Variants in GRIK2 observed in about 807,000 individuals in gnomAD.
GRIK2 encodes glutamate ionotropic receptor kainate type subunit 2.
GRIK2 carries 32 observed loss-of-function variants against 100.3 expected under a neutral mutation model. The observed-to-expected ratio is 0.32, with a 90% CI of 0.24 to 0.43. The LOEUF (loss-of-function observed/expected upper bound fraction) is 0.43. Among genes scored for constraint, GRIK2 ranks in the 20% least tolerant of loss-of-function variants. The pLI, the probability that GRIK2 is intolerant of heterozygous loss-of-function variation, is 1.00. For missense variants in GRIK2, 843 were observed against 1,114.9 expected (o/e 0.76, Z 3.47); for synonymous variants, 417 against 389.4 (o/e 1.07, Z -0.83).
intron 2 of GRIK2, among the ~76,000 whole-genome samples, chr6:101,421,236 G>A (rs560981483): frequency 4.3e-4 from 66 of 152,174 alleles, no homozygotes; most frequent in Non-Finnish European, 8.7e-4. Flanking sequence ...GCTCCATTTT[G>A]TGGGCAGGTG....
intron 11 of GRIK2, among the ~76,000 whole-genome samples, chr6:101,869,264 T>G (rs985799471): frequency 6.6e-6 from 1 of 151,878 alleles, no homozygotes; most frequent in African/African-American, 2.4e-5. Context: ...GGAGGGAGAA[T>G]TAACATAAAG....
In GRIK2 at chr6:101,925,162, T is replaced by C. The variant is rs1229354084; in HGVS notation, c.1867+443T>C. On this transcript the variant is annotated intron_variant, in intron 13 of 16. Transcript: ENST00000369134. ...GCATTTGTATTGCATGATTAGTAAA[T>C]TTACTGCCTATAAATTTGAAGAGTT... Among the ~76,000 whole-genome samples, 5 of 152,130 alleles carry C rather than the reference T, an allele frequency of 3.3e-5. No homozygotes were observed. The East Asian group carries it at 9.6e-4, about 29-fold the overall frequency.
At chr6:101,632,487 G>C (rs1010570553) in intron 4 of GRIK2, among the ~76,000 whole-genome samples, 3 of 152,062 alleles carry the variant, frequency 2.0e-5, no homozygotes, top group Non-Finnish European at 4.4e-5. Context: ...AGTCAAATTT[G>C]GTTAAGTAGC....
intron 2 of GRIK2, among the ~76,000 whole-genome samples, chr6:101,467,579 C>T (rs1487894844): frequency 3.9e-5 from 6 of 152,080 alleles, no homozygotes; most frequent in Admixed American, 3.3e-4. Flanking sequence ...AGAGCTCGAC[C>T]TTCCATTATT....
intron 7 of GRIK2, among the ~76,000 whole-genome samples, chr6:101,792,438 A>G (rs1162115502): frequency 6.6e-6 from 1 of 151,744 alleles, no homozygotes; most frequent in African/African-American, 2.4e-5. Flanking sequence ...GCTTGTCTGT[A>G]AAGTATTTTA....
chr6:101,704,898 A>G (rs1341135190), intron 7 of GRIK2, among the ~76,000 whole-genome samples: 1 of 149,526 alleles, frequency 6.7e-6, no homozygotes, highest in Non-Finnish European at 1.5e-5. Flanking sequence ...GCCAAAATTG[A>G]TAATAATTAT....
intron 10 of GRIK2, among the ~76,000 whole-genome samples, chr6:101,844,020 A>G (rs953669128): frequency 1.3e-5 from 2 of 152,082 alleles, no homozygotes; most frequent in African/African-American, 4.8e-5. Context: ...TTAGATATCT[A>G]TTAAATAGAT....
chr6:101,404,509 T>C (rs986527229), intron 2 of GRIK2, among the ~76,000 whole-genome samples: 10 of 152,238 alleles, frequency 6.6e-5, no homozygotes, highest in Admixed American at 5.2e-4. Context: ...TTGACTTTGT[T>C]ATGGTAGCCC....
chr6:102,031,911 A>T (rs1770021047), intron 14 of GRIK2, among the ~76,000 whole-genome samples: 1 of 151,348 alleles, frequency 6.6e-6, no homozygotes, highest in South Asian at 2.1e-4. Flanking sequence ...TAAACCAACA[A>T]GGAAGACTTT....
intron 2 of GRIK2, among the ~76,000 whole-genome samples, chr6:101,440,146 CAAA>C (rs1422404988): frequency 6.6e-6 from 1 of 151,732 alleles, no homozygotes; most frequent in Non-Finnish European, 1.5e-5. Context: ...GATGGGGTAT[CAAA>C]GAAAAATATT....
chr6:101,598,016 A>G (rs1779006611), intron 2 of GRIK2, among the ~76,000 whole-genome samples: 1 of 151,650 alleles, frequency 6.6e-6, no homozygotes, highest in Non-Finnish European at 1.5e-5. Flanking sequence ...CCCAAATACC[A>G]CCCACACAAA....
rs75329854 is a variant in GRIK2 at position 101,846,986 on chromosome 6, G to A, written c.1318-12301G>A. On this transcript the variant is annotated intron_variant, in intron 10 of 16. Coordinates refer to ENST00000369134, the MANE Select transcript of GRIK2 (RefSeq NM_021956.5). ...TTGCTTCTCTCTATTTTTTTTTTCT[G>A]TTCTCTCTTTTATTATCTCTGAGGT... Among the ~76,000 whole-genome samples, 1,298 of 145,572 alleles carry A rather than the reference G, an allele frequency of 8.9e-3. 17 individuals carry two copies. Among genetic ancestry groups the A allele is most frequent in the African/African-American group, 0.031 (1,222 of 39,440 alleles).
intron 7 of GRIK2, among the ~76,000 whole-genome samples, chr6:101,784,961 A>T (rs930435845): frequency 4.6e-5 from 7 of 152,024 alleles, no homozygotes; most frequent in African/African-American, 1.7e-4. Context: ...TTTGGTTTGC[A>T]TTTGTTATTG....
At chr6:102,066,344 G>C (rs1334195227) in intron 16 of GRIK2, among the ~76,000 whole-genome samples, 1 of 151,558 alleles carries the variant, frequency 6.6e-6, no homozygotes, top group Non-Finnish European at 1.5e-5. Flanking sequence ...GCTTATGTGT[G>C]TACAAGCAGT....
rs1026717121 is a variant in GRIK2 at position 101,818,390 on chromosome 6, C to T, written c.1224C>T (p.Ala408=). The change falls in exon 10 of 17, where the codon GCC becomes GCT. Residue 408 remains alanine (A), a synonymous_variant. Transcript: ENST00000369134. ...GLEKIGTWDP[A]SGLNMTESQK... ...TATAGATTGGAACGTGGGATCCAGC[C>T]AGTGGCCTGAATATGACAGAAAGTC... The T allele has an allele frequency of 4.4e-6, 7 of 1,604,228 alleles. No individual in the cohort carries two copies. Among genetic ancestry groups the T allele is most frequent in the East Asian group, 2.2e-5 (1 of 44,720 alleles).
At chr6:101,609,421 C>T (rs1372145237) in intron 2 of GRIK2, among the ~76,000 whole-genome samples, 2 of 151,704 alleles carry the variant, frequency 1.3e-5, no homozygotes, top group African/African-American at 4.8e-5. Flanking sequence ...ACAGACTGTT[C>T]TAATTATAAA....
intron 14 of GRIK2, among the ~76,000 whole-genome samples, chr6:101,930,653 C>A (rs1386083863): frequency 6.6e-6 from 1 of 151,952 alleles, no homozygotes; most frequent in Non-Finnish European, 1.5e-5. Flanking sequence ...TTTGAAAAAT[C>A]AGTTACCAAA....
intron 2 of GRIK2, among the ~76,000 whole-genome samples, chr6:101,410,378 A>T (rs1055187537): frequency 1.3e-5 from 2 of 152,090 alleles, no homozygotes; most frequent in African/African-American, 2.4e-5. Context: ...TTTGAGATGG[A>T]TGTATGGGAC....
intron 7 of GRIK2, among the ~76,000 whole-genome samples, chr6:101,693,932 A>G (rs991360870): frequency 6.6e-6 from 1 of 151,988 alleles, no homozygotes; most frequent in African/African-American, 2.4e-5. Flanking sequence ...CGTGGATATG[A>G]CGAATCACCA....
Sources: allele counts gnomAD v4.1 joint callset (sites outside exome capture counted in the v4.1 genomes callset), GRCh38; gene constraint gnomAD v4.1.1; transcripts MANE v1.5; gene names NCBI Gene and HGNC (gene_info 2026-07-23, HGNC 2026-07-21).